The following PRL variants were observed in gnomAD, a reference collection of about 807,000 sequenced individuals.
PRL encodes decidual prolactin.
PRL carries 24 observed loss-of-function variants against 21.3 expected under a neutral mutation model. The ratio of observed to expected loss-of-function variants is 1.13; its 90% CI spans 0.82 to 1.59. PRL has a LOEUF of 1.59. Among genes scored for constraint, PRL ranks in the 40% most tolerant of loss-of-function variants. The probability of loss-of-function intolerance (pLI) is 0.00; values close to 1 mark genes in which losing one functional copy is unlikely to be tolerated. For synonymous variants in PRL, 118 were observed against 115.7 expected (o/e 1.02, Z -0.13); for missense variants, 243 against 286.9 (o/e 0.85, Z 1.10).
rs1760948513 is a variant in PRL at position 22,287,559 on chromosome 6, G to C, written c.527C>G (p.Pro176Arg). 1 of 1,611,230 alleles carries C rather than the reference G, an allele frequency of 6.2e-7. No homozygotes were observed. Among genetic ancestry groups the C allele is most frequent in the Non-Finnish European group, 8.5e-7 (1 of 1,178,742 alleles). Residue 176 changes from proline to arginine, a missense_variant, in exon 5 of 5, where the codon CCT becomes CGT. Pro to Arg is a moderately radical substitution (Grantham distance 103). Coordinates refer to ENST00000306482, the MANE Select transcript of PRL (RefSeq NM_000948.6). ...HPETKENEIY[P>R]VWSGLPSLQM... is the part of the protein sequence containing the mutation. ...CAGGGATGGAAGTCCCGACCAGACA[G>C]GGTAGATCTCATTTTCTTTGGTTTC...
At chr6:22,290,845 T>C (rs1245171841) in intron 3 of PRL, 1 of 152,250 alleles carries the variant, frequency 6.6e-6, no homozygotes, top group African/African-American at 2.4e-5. Flanking sequence ...GAACTATTCA[T>C]TTTTGATTTG....
intron 4 of PRL, 46 bp downstream of exon 4, chr6:22,290,128 G>C (rs532241296): frequency 1.4e-6 from 2 of 1,461,160 alleles, no homozygotes; most frequent in East Asian, 4.6e-5. Context: ...AGAGGTCACC[G>C]CTTATATTAA....
intron 1 of PRL, among the ~76,000 whole-genome samples, chr6:22,295,284 A>G (rs2113513454): frequency 6.6e-6 from 1 of 152,342 alleles, no homozygotes; most frequent in African/African-American, 2.4e-5. Context: ...CTGATGAAAC[A>G]GATGGCTTAG....
chr6:22,301,632 G>A (rs1761283474), upstream of PRL, among the ~76,000 whole-genome samples: 1 of 152,168 alleles, frequency 6.6e-6, no homozygotes, highest in Non-Finnish European at 1.5e-5. Context: ...GATTCAGACT[G>A]AAAAGTAGAG....
intron 1 of PRL, 27 bp downstream of exon 1, chr6:22,296,928 A>G (rs770886530): frequency 1.2e-6 from 2 of 1,611,182 alleles, no homozygotes; most frequent in East Asian, 4.5e-5. Flanking sequence ...TGATACAACC[A>G]ACAACGCAGT....
Position 22,294,654 on chromosome 6 carries a change from C to T in PRL, c.29-70G>A. On this transcript the variant is annotated intron_variant, in intron 1 of 4. Transcript: ENST00000306482. ...CGGAGGTTTTCAGAAGTAATCCTGC[C>T]GAGGAAAGCCTTATTGCTCCCCACT... 5.5e-6 allele frequency: 8 copies of T among 1,452,756 alleles called. No homozygotes were observed. The Admixed American group carries it at 1.0e-4, about 19-fold the overall frequency. 90.0% of individuals were successfully genotyped at this position (1,452,756 alleles called of 1,614,324 possible). A position where few individuals can be genotyped will look rare whatever the true frequency, so the allele number is the denominator to read the frequency against.
At chr6:22,291,263 C>T (rs1024368865) in intron 3 of PRL, among the ~76,000 whole-genome samples, 5 of 151,966 alleles carry the variant, frequency 3.3e-5, no homozygotes, top group African/African-American at 1.2e-4. Context: ...AAGTGAGTGT[C>T]AGTGTAGTTT....
chr6:22,298,315 A>G (rs1478129705), upstream of PRL, among the ~76,000 whole-genome samples: 1 of 152,244 alleles, frequency 6.6e-6, no homozygotes, highest in African/African-American at 2.4e-5. Context: ...GACTATAATG[A>G]ATAAGAACTA....
chr6:22,292,497 G>T (rs1761070341), intron 3 of PRL, 41 bp downstream of exon 3: 3 of 1,561,020 alleles, frequency 1.9e-6, no homozygotes, highest in South Asian at 2.2e-5. Flanking sequence ...CCCATATACT[G>T]CCTTGGTTGT....
chr6:22,302,572 C>T (rs182638434), intron 1 of PRL, among the ~76,000 whole-genome samples: 2 of 152,048 alleles, frequency 1.3e-5, no homozygotes, highest in East Asian at 1.9e-4. Flanking sequence ...AAAAGAAAAA[C>T]GTACAGATTT....
At chr6:22,301,535 T>G (rs1345321909), upstream of PRL, among the ~76,000 whole-genome samples, 1 of 152,124 alleles carries the variant, frequency 6.6e-6, no homozygotes, top group Admixed American at 6.5e-5. Flanking sequence ...TATTTTGATA[T>G]TGTAACAACT....
At position 22,288,913 on chromosome 6, in the gene PRL, T is replaced by C. The variant is rs555700325; in HGVS notation, c.492+1261A>G. On this transcript the variant is annotated intron_variant, in intron 4 of 4. Coordinates refer to ENST00000306482, the MANE Select transcript of PRL (RefSeq NM_000948.6). The surrounding 1 kb of genome is among the most constrained non-coding windows in gnomAD (Gnocchi z 4.5). ...GTGTGTGCGTGTGTGCGCGCGCGTG[T>C]GTGTGCGTGCGCGTGTGTGTGCATG... Among the ~76,000 whole-genome samples the C allele has an allele frequency of 1.8e-4, 27 of 150,056 alleles. 1 individual carries two copies. Among genetic ancestry groups the C allele is most frequent in the Admixed American group, 1.1e-3 (17 of 15,052 alleles).
In PRL at chr6:22,294,473, A is replaced by G; in HGVS notation, c.140T>C (p.Phe47Ser). Residue 47 changes from phenylalanine (F) to serine (S), a missense_variant, in exon 2 of 5, where the codon TTT becomes TCT. Physicochemically the swap from Phe to Ser is radical, Grantham distance 155 (BLOSUM62 -2). Transcript: ENST00000306482. ...GTGGGACAGGACGACGGCGCGGTCA[A>G]ACAGGTCTCGAAGGGTCACCTGGCA... ...ARCQVTLRDLFDRAVVLSHYI... is the reference protein window; with the variant it reads ...ARCQVTLRDLSDRAVVLSHYI... 1 of 1,614,206 alleles carries G rather than the reference A, an allele frequency of 6.2e-7. No individual in the cohort carries two copies. The highest frequency in any genetic ancestry group is 8.5e-7 in the Non-Finnish European group (1 of 1,180,032).
upstream of PRL, among the ~76,000 whole-genome samples, chr6:22,300,987 CA>C (rs1462310474): frequency 6.6e-6 from 1 of 152,178 alleles, no homozygotes; most frequent in East Asian, 1.9e-4. Flanking sequence ...CCAGAGTCTC[CA>C]CAAACGTAAA....
intron 3 of PRL, among the ~76,000 whole-genome samples, chr6:22,291,293 C>T (rs1581384928): frequency 6.6e-6 from 1 of 152,158 alleles, no homozygotes; most frequent in South Asian, 2.1e-4. Flanking sequence ...CATTGCAACA[C>T]AACGATTAAG....
chr6:22,297,942 A>G (rs1311015583), upstream of PRL, among the ~76,000 whole-genome samples: 1 of 152,230 alleles, frequency 6.6e-6, no homozygotes, highest in African/African-American at 2.4e-5. Flanking sequence ...CATATGAGGA[A>G]GGCTGGGAAA....
chr6:22,294,451 G>A lies in PRL; in HGVS notation c.162C>T (p.Ser54=), dbSNP rs766454499. 20 of 1,614,024 alleles carry A rather than the reference G, an allele frequency of 1.2e-5. No homozygotes were observed. The highest frequency in any genetic ancestry group is 1.2e-5 in the Non-Finnish European group (14 of 1,180,032). Residue 54 remains serine, a synonymous_variant, in exon 2 of 5, where the codon TCC becomes TCT. Coordinates refer to ENST00000306482, the MANE Select transcript of PRL (RefSeq NM_000948.6). ...CTGAGGAGAGGTTATGGATGTAGTG[G>A]GACAGGACGACGGCGCGGTCAAACA... ...RDLFDRAVVL[S]HYIHNLSSEM...
rs1760961072 is a variant in PRL at position 22,288,079 on chromosome 6, T to A, written c.493-486A>T. Among the ~76,000 whole-genome samples, 1 of 152,216 alleles carries A rather than the reference T, an allele frequency of 6.6e-6. No individual in the cohort carries two copies. The highest frequency in any genetic ancestry group is 1.5e-5 in the Non-Finnish European group (1 of 68,038). ...AAAACTTTAAAAAAGATGAAGATTGTACTCACACTTGATGCTTTGGGGTAC... is the reference window on the plus strand; with the variant it reads ...AAAACTTTAAAAAAGATGAAGATTGAACTCACACTTGATGCTTTGGGGTAC... On this transcript the variant is annotated intron_variant, in intron 4 of 4. Coordinates refer to ENST00000306482, the MANE Select transcript of PRL (RefSeq NM_000948.6). This position sits in a 1 kb window ranked among gnomAD's most constrained non-coding sequence, Gnocchi z 4.5.
At chr6:22,299,170 T>C (rs796228066), upstream of PRL, among the ~76,000 whole-genome samples, 1 of 152,270 alleles carries the variant, frequency 6.6e-6, no homozygotes, top group Non-Finnish European at 1.5e-5. Context: ...TTTATCAAAC[T>C]GTGCCCTTAA....
Sources: gnomAD v4.1 joint callset for allele counts (sites outside exome capture counted in the v4.1 genomes callset) on GRCh38, gnomAD v4.1.1 for gene constraint, Gnocchi (gnomAD v3.1) non-coding constraint, MANE v1.5 for transcripts, NCBI Gene and HGNC (gene_info 2026-07-23, HGNC 2026-07-21) for gene names.